The following CLINT1 variants were observed in gnomAD, a reference collection of about 807,000 sequenced individuals.
CLINT1 encodes the protein clathrin interactor 1, also known as clathrin interacting protein localized in the trans-Golgi region.
CLINT1 carries 15 observed loss-of-function variants against 70.4 expected under a neutral mutation model. That is an observed-to-expected ratio of 0.21 (90% CI 0.14 to 0.33). The LOEUF (loss-of-function observed/expected upper bound fraction) is 0.33, where lower values mean the gene tolerates loss of function less well. Ranked by LOEUF, CLINT1 falls within the 10% of genes least tolerant of loss-of-function variation. CLINT1 has a pLI of 1.00. For missense variants in CLINT1, 615 were observed against 778.1 expected, an observed-to-expected ratio of 0.79 and a Z score of 2.49; for synonymous variants, 227 against 254.7, an observed-to-expected ratio of 0.89 and a Z score of 1.04.
At chr5:157,814,444 C>G (rs1295214543) in intron 3 of CLINT1, among the ~76,000 whole-genome samples, 151 bp from the exon 4 acceptor site, 1 of 152,168 alleles carries the variant, frequency 6.6e-6, no homozygotes, top group Non-Finnish European at 1.5e-5. Context: ...AACACATAAT[C>G]TAGAACTTAC....
chr5:157,852,195 A>G (rs1246668242), intron 1 of CLINT1, among the ~76,000 whole-genome samples: 1 of 152,236 alleles, frequency 6.6e-6, no homozygotes, highest in Non-Finnish European at 1.5e-5. Context: ...AGCTGAACAA[A>G]ATATTAAGAA....
chr5:157,793,128 T>C (rs1297374900), intron 9 of CLINT1, among the ~76,000 whole-genome samples: 2 of 152,176 alleles, frequency 1.3e-5, no homozygotes, highest in Non-Finnish European at 2.9e-5. Flanking sequence ...ATAATTCACT[T>C]AGAAACTCCA....
chr5:157,857,639 T>C (rs1169935718), intron 1 of CLINT1, among the ~76,000 whole-genome samples: 1 of 152,176 alleles, frequency 6.6e-6, no homozygotes, highest in African/African-American at 2.4e-5. Flanking sequence ...CTAAGGTAGG[T>C]ATCGTTGCAT....
chr5:157,802,550 T>A (rs1467086310), intron 8 of CLINT1, among the ~76,000 whole-genome samples: 1 of 151,904 alleles, frequency 6.6e-6, no homozygotes, highest in Non-Finnish European at 1.5e-5. Context: ...CTCTTTTTTT[T>A]TTTTTTTTCC....
At chr5:157,840,213 A>AAAAAAC (rs1554102281) in intron 1 of CLINT1, among the ~76,000 whole-genome samples, 26 of 141,536 alleles carry the variant, frequency 1.8e-4, no homozygotes, top group African/African-American at 6.9e-4. Flanking sequence ...AAAAAAAAAA[A>AAAAAAC]GGAAAAAAGA....
At chr5:157,800,999 C>G (rs1762195920) in intron 8 of CLINT1, among the ~76,000 whole-genome samples, 1 of 152,204 alleles carries the variant, frequency 6.6e-6, no homozygotes, top group Non-Finnish European at 1.5e-5. Flanking sequence ...AGTTGATATT[C>G]TGTGACACTA....
chr5:157,805,872 T>A lies in CLINT1; in HGVS notation c.936A>T (p.Ser312=). The A allele has an allele frequency of 1.2e-6, 2 of 1,613,988 alleles. No individual in the cohort carries two copies. The highest frequency in any genetic ancestry group is 1.7e-6 in the Non-Finnish European group (2 of 1,179,870). ...QNASTHTPQS[S]VKTSVPSSKS... ...AAACTACTGCCATTCCCACCTTAAC[T>A]GAAGACTGAGGTGTGTGGGTTGAAG... The change falls in exon 7 of 12, where the codon TCA becomes TCT. Residue 312 remains serine, a synonymous_variant. Coordinates refer to ENST00000411809, the MANE Select transcript of CLINT1 (RefSeq NM_014666.4).
intron 1 of CLINT1, among the ~76,000 whole-genome samples, chr5:157,853,916 A>AC (rs1203017733): frequency 6.6e-6 from 1 of 152,008 alleles, no homozygotes; most frequent in Non-Finnish European, 1.5e-5. Context: ...ACAGAAAATT[A>AC]CCCCTAAGAA....
intron 5 of CLINT1, among the ~76,000 whole-genome samples, chr5:157,811,328 G>C (rs1196099957): frequency 6.6e-6 from 1 of 152,036 alleles, no homozygotes; most frequent in Non-Finnish European, 1.5e-5. Flanking sequence ...GATCACTTGA[G>C]GTCAGGAGTT....
chr5:157,853,399 G>T (rs1480060409), intron 1 of CLINT1, among the ~76,000 whole-genome samples: 1 of 151,878 alleles, frequency 6.6e-6, no homozygotes, highest in East Asian at 1.9e-4. Flanking sequence ...GAGCCATATT[G>T]TGAAACCTTG....
At chr5:157,788,716 C>T (rs1420561100) in intron 11 of CLINT1, among the ~76,000 whole-genome samples, 4 of 151,956 alleles carry the variant, frequency 2.6e-5, no homozygotes, top group Non-Finnish European at 5.9e-5. Flanking sequence ...GCCTGTAATC[C>T]CAGCACTTTG....
At chr5:157,788,429 T>A (rs1761792991) in intron 11 of CLINT1, among the ~76,000 whole-genome samples, 1 of 152,164 alleles carries the variant, frequency 6.6e-6, no homozygotes, top group African/African-American at 2.4e-5. Flanking sequence ...TTTGACTTAT[T>A]TTTAGAACAT....
intron 3 of CLINT1, among the ~76,000 whole-genome samples, chr5:157,814,682 A>G (rs1048484709): frequency 6.6e-6 from 1 of 152,234 alleles, no homozygotes; most frequent in African/African-American, 2.4e-5. Context: ...AAACAATCCT[A>G]TAGTATTTTC....
intron 9 of CLINT1, among the ~76,000 whole-genome samples, chr5:157,792,895 A>G (rs926592016): frequency 4.6e-5 from 7 of 152,260 alleles, no homozygotes; most frequent in African/African-American, 1.7e-4. Context: ...GTCATCTGAA[A>G]GCAAATAGTA....
Position 157,805,263 on chromosome 5 carries a change from AGT to A in CLINT1, c.942+601_942+602del, listed in dbSNP as rs1762352053. 2.0e-5 allele frequency among the ~76,000 whole-genome samples: 3 copies of A among 152,238 alleles called. No homozygotes were observed. In the South Asian group the frequency reaches 6.2e-4, roughly 31 times the overall value. On this transcript the variant is annotated intron_variant, in intron 7 of 11. Coordinates refer to ENST00000411809, the MANE Select transcript of CLINT1 (RefSeq NM_014666.4). ...GGGAAAGTGACAAAAACAATAATTT[AGT>A]CTTTTGAGGCAAATCTCCCTATTTG...
intron 1 of CLINT1, 121 bp from the exon 2 acceptor site, chr5:157,817,668 G>C: frequency 1.6e-6 from 1 of 610,858 alleles, no homozygotes; most frequent in Admixed American, 2.7e-5. Flanking sequence ...CAGGATGGGA[G>C]AGAAAACATC....
chr5:157,831,583 G>A (rs1009415422), intron 1 of CLINT1, among the ~76,000 whole-genome samples: 7 of 151,984 alleles, frequency 4.6e-5, no homozygotes, highest in African/African-American at 1.7e-4. Context: ...ACTTCTTTGG[G>A]TCCCCTCATA....
chr5:157,793,243 A>C (rs1287135953), intron 9 of CLINT1, among the ~76,000 whole-genome samples: 4 of 151,814 alleles, frequency 2.6e-5, no homozygotes, highest in African/African-American at 9.7e-5. Flanking sequence ...GACTGCATTA[A>C]GAGTTTTACA....
chr5:157,844,558 T>C (rs1399560683), intron 1 of CLINT1, among the ~76,000 whole-genome samples: 1 of 152,224 alleles, frequency 6.6e-6, no homozygotes, highest in Non-Finnish European at 1.5e-5. Context: ...CAATAATGTA[T>C]TTTGAGTTAC....
Sources: allele counts gnomAD v4.1 joint callset (sites outside exome capture counted in the v4.1 genomes callset), GRCh38; gene constraint gnomAD v4.1.1; transcripts MANE v1.5; gene names NCBI Gene and HGNC (gene_info 2026-07-23, HGNC 2026-07-21).